FRMD6: variants seen among roughly 807,000 people sequenced by gnomAD.
FRMD6 encodes FERM domain containing 6.
Under a neutral mutation model 73.2 loss-of-function variants are expected in FRMD6, and 37 were observed. That is an observed-to-expected ratio of 0.51 (90% CI 0.39 to 0.66). The LOEUF (loss-of-function observed/expected upper bound fraction) is 0.66. FRMD6 is among the 30% of genes least tolerant of loss of function. FRMD6 has a pLI of 0.00. For missense variants in FRMD6, 714 were observed against 780.5 expected (o/e 0.91, Z 1.02); for synonymous variants, 273 against 282.2 (o/e 0.97, Z 0.33).
At chr14:51,610,425 C>T (rs1890446454) in intron 2 of FRMD6, among the ~76,000 whole-genome samples, 1 of 149,780 alleles carries the variant, frequency 6.7e-6, no homozygotes, top group South Asian at 2.1e-4. Flanking sequence ...ATTAGCTAAA[C>T]ATCTGTTTAA....
chr14:51,631,940 A>G (rs943550591), intron 2 of FRMD6, among the ~76,000 whole-genome samples: 3 of 152,322 alleles, frequency 2.0e-5, no homozygotes, highest in African/African-American at 4.8e-5. Context: ...TTCCCAAACT[A>G]TGCTCCAAGT....
chr14:51,562,442 T>C (rs1596606428), intron 1 of FRMD6, among the ~76,000 whole-genome samples: 2 of 152,326 alleles, frequency 1.3e-5, no homozygotes, highest in Non-Finnish European at 1.5e-5. Flanking sequence ...GTATATATAC[T>C]GTGGAGACAC....
chr14:51,700,901 T>G (rs1174983301), intron 3 of FRMD6, among the ~76,000 whole-genome samples, 155 bp from the exon 4 acceptor site: 1 of 151,996 alleles, frequency 6.6e-6, no homozygotes, highest in Non-Finnish European at 1.5e-5. Flanking sequence ...TCACAGAACC[T>G]TTTGTCTTCT....
chr14:51,536,613 C>G (rs755354755), intron 1 of FRMD6, among the ~76,000 whole-genome samples: 1 of 151,932 alleles, frequency 6.6e-6, no homozygotes, highest in Non-Finnish European at 1.5e-5. Flanking sequence ...GACGAGATTT[C>G]ACCATGTTGG....
intron 10 of FRMD6, 36 bp downstream of exon 10, chr14:51,715,535 C>T: frequency 4.6e-6 from 7 of 1,519,546 alleles, no homozygotes; most frequent in Non-Finnish European, 6.2e-6. Context: ...GCAAATTGTA[C>T]CTTTGCCACC....
intron 2 of FRMD6, among the ~76,000 whole-genome samples, chr14:51,639,292 G>C (rs1273567033): frequency 6.6e-6 from 1 of 151,924 alleles, no homozygotes; most frequent in African/African-American, 2.4e-5. Context: ...AAAATTAGCC[G>C]GGCGTCGTGG....
At chr14:51,590,019 G>T (rs886348958) in intron 2 of FRMD6, among the ~76,000 whole-genome samples, 2 of 138,024 alleles carry the variant, frequency 1.4e-5, no homozygotes, top group Admixed American at 1.6e-4. Context: ...AGCAAGCCAA[G>T]ATCGTGCTAC....
chr14:51,658,514 A>G (rs529542970), intron 1 of FRMD6, among the ~76,000 whole-genome samples: 2 of 152,288 alleles, frequency 1.3e-5, no homozygotes, highest in African/African-American at 4.8e-5. Context: ...AAAATGTTTC[A>G]AAAATTCAGT....
In FRMD6 at chr14:51,689,826, C is replaced by A. The variant is rs374774024; in HGVS notation, c.-11C>A. 2.5e-6 allele frequency: 4 copies of A among 1,581,688 alleles called. No homozygotes were observed. The highest frequency in any genetic ancestry group is 3.5e-6 in the Non-Finnish European group (4 of 1,152,044). ...GAGCCCAGCCCTGACCACCAGAGTG[C>A]CCAAAACACAATGAACAAATTGAAT... On this transcript the variant is annotated 5_prime_UTR_variant, in exon 2 of 14. Coordinates refer to ENST00000344768, the MANE Select transcript of FRMD6 (RefSeq NM_001267046.2).
chr14:51,526,938 T>C (rs1885286917), intron 1 of FRMD6, among the ~76,000 whole-genome samples: 1 of 152,246 alleles, frequency 6.6e-6, no homozygotes, highest in African/African-American at 2.4e-5. Context: ...GAAGACATAT[T>C]ACTAAATACC....
At position 51,503,835 on chromosome 14, in the gene FRMD6, G is replaced by A. The variant is rs192448162; in HGVS notation, c.-210+14415G>A. Among the ~76,000 whole-genome samples the A allele has an allele frequency of 4.6e-4, 67 of 144,984 alleles. 1 individual carries two copies. The highest frequency in any genetic ancestry group is 3.5e-3 in the Middle Eastern group (1 of 286). ...TTTGTACGTTTGGTAGAATTCAGCTGTAAATCTGTTTGGTTTTGGGTTTTT... is the reference window on the plus strand; with the variant it reads ...TTTGTACGTTTGGTAGAATTCAGCTATAAATCTGTTTGGTTTTGGGTTTTT... On this transcript the variant is annotated intron_variant, in intron 1 of 14. Coordinates refer to the FRMD6 transcript ENST00000356218.
intron 2 of FRMD6, among the ~76,000 whole-genome samples, chr14:51,630,114 A>C (rs958943643): frequency 1.3e-5 from 2 of 152,168 alleles, no homozygotes; most frequent in African/African-American, 4.8e-5. Context: ...CAGCAAAATC[A>C]AGAAAGCCTT....
intron 1 of FRMD6, among the ~76,000 whole-genome samples, chr14:51,542,153 A>C (rs1596562796): frequency 1.3e-5 from 2 of 152,078 alleles, no homozygotes; most frequent in South Asian, 4.1e-4. Flanking sequence ...TACACACAAC[A>C]AAATTTCCCA....
At chr14:51,652,149 G>T (rs1408061888) in intron 1 of FRMD6, 153 bp downstream of exon 1, 1 of 152,324 alleles carries the variant, frequency 6.6e-6, no homozygotes, top group Non-Finnish European at 1.5e-5. Flanking sequence ...AGCGAAGGCA[G>T]TGCACCGCTC....
At chr14:51,677,295 G>A (rs1472094654) in intron 1 of FRMD6, among the ~76,000 whole-genome samples, 1 of 151,878 alleles carries the variant, frequency 6.6e-6, no homozygotes, top group Non-Finnish European at 1.5e-5. Flanking sequence ...AGTATTTCAG[G>A]GGAAAATAAG....
chr14:51,539,206 C>T (rs11844403), intron 1 of FRMD6, among the ~76,000 whole-genome samples: 15,928 of 152,046 alleles, frequency 0.1, 1,111 homozygotes, highest in African/African-American at 0.19. Context: ...TGTTTTCTGT[C>T]TGGATGTCAC....
chr14:51,673,158 G>A (rs530487927), intron 1 of FRMD6, among the ~76,000 whole-genome samples: 6 of 152,218 alleles, frequency 3.9e-5, no homozygotes, highest in South Asian at 2.1e-4. Context: ...ATATTATAGG[G>A]TTTCTCCTCT....
chr14:51,429,818 G>C, the FRMD6 span, among the ~76,000 whole-genome samples: 1 of 152,122 alleles, frequency 6.6e-6, no homozygotes, highest in African/African-American at 2.4e-5. Context: ...GTGGGACTTT[G>C]AGACATTGTA....
At chr14:51,487,932 C>T (rs8013889), upstream of FRMD6, among the ~76,000 whole-genome samples, 109,526 of 152,108 alleles carry the variant, frequency 0.72, 39,517 homozygotes, top group South Asian at 0.8. Context: ...AGAAATCTAA[C>T]TGAAATGGGC....
Sources: gnomAD v4.1 joint callset for allele counts (sites outside exome capture counted in the v4.1 genomes callset) on GRCh38, gnomAD v4.1.1 for gene constraint, MANE v1.5 for transcripts, NCBI Gene and HGNC (gene_info 2026-07-23, HGNC 2026-07-21) for gene names.